Variants in DAPP1 observed in about 807,000 individuals in gnomAD.
DAPP1 encodes dual adaptor of phosphotyrosine and 3-phosphoinositides 1.
In DAPP1, 20 loss-of-function variants were observed where a neutral mutation model predicts 41.5. The observed-to-expected ratio is 0.48, with a 90% CI of 0.34 to 0.70. The LOEUF (loss-of-function observed/expected upper bound fraction) is 0.70. DAPP1 is among the 30% of genes least tolerant of loss of function. The pLI, the probability that DAPP1 is intolerant of heterozygous loss-of-function variation, is 0.01. For missense variants in DAPP1, 233 were observed against 333.4 expected (o/e 0.70, Z 2.35); for synonymous variants, 113 against 116.2 (o/e 0.97, Z 0.18).
intron 1 of DAPP1, among the ~76,000 whole-genome samples, chr4:99,818,564 C>T (rs1722667645): frequency 6.6e-6 from 1 of 152,134 alleles, no homozygotes; most frequent in South Asian, 2.1e-4. Flanking sequence ...TCTCTGTGCC[C>T]CACCATGATG....
chr4:99,839,348 G>GAT (rs34658186), intron 2 of DAPP1, among the ~76,000 whole-genome samples: 9 of 144,232 alleles, frequency 6.2e-5, no homozygotes, highest in South Asian at 4.3e-4. Flanking sequence ...TGGAGAGGCA[G>GAT]ATATATATAT....
chr4:99,832,145 C>A (rs1465519), intron 1 of DAPP1, among the ~76,000 whole-genome samples: 1 of 151,992 alleles, frequency 6.6e-6, no homozygotes. Flanking sequence ...TTATTTGTCA[C>A]CCAGTCTGAG....
chr4:99,835,715 A>G lies in DAPP1; in HGVS notation c.194A>G (p.Glu65Gly), dbSNP rs1723277137. Residue 65 changes from glutamate to glycine, a missense_variant, in exon 2 of 9, where the codon GAG (glutamate) becomes GGG (glycine). By Grantham distance (98) the Glu-to-Gly change is moderately conservative. Transcript: ENST00000512369. ...DGSYLLRDSNETTGLYSLSVR... is the reference protein window; with the variant it reads ...DGSYLLRDSNGTTGLYSLSVR... ...AGCTACCTTCTGAGGGACAGCAATG[A>G]GACCACCGGGCTGTACTCTCTCTCT... 6.2e-7 allele frequency: 1 copy of G among 1,613,770 alleles called. No homozygotes were observed. Among genetic ancestry groups the G allele is most frequent in the Non-Finnish European group, 8.5e-7 (1 of 1,179,786 alleles).
intron 1 of DAPP1, among the ~76,000 whole-genome samples, chr4:99,834,053 T>C (rs541465638): frequency 4.6e-5 from 7 of 152,292 alleles, no homozygotes; most frequent in African/African-American, 1.7e-4. Flanking sequence ...ACCACCTGGA[T>C]TGGGACCCAG....
intron 3 of DAPP1, among the ~76,000 whole-genome samples, chr4:99,852,859 C>A (rs1241140074): frequency 6.6e-6 from 1 of 152,092 alleles, no homozygotes; most frequent in Admixed American, 6.5e-5. Context: ...ATGTCACCTC[C>A]TTTATGAAAG....
intron 1 of DAPP1, among the ~76,000 whole-genome samples, chr4:99,832,350 G>T (rs1723154750): frequency 6.6e-6 from 1 of 152,204 alleles, no homozygotes; most frequent in African/African-American, 2.4e-5. Context: ...ATGTCATTAG[G>T]ATATACATTC....
At chr4:99,821,685 T>C (rs1722779369) in intron 1 of DAPP1, among the ~76,000 whole-genome samples, 2 of 152,244 alleles carry the variant, frequency 1.3e-5, no homozygotes, top group Non-Finnish European at 2.9e-5. Context: ...CATGCTTGAC[T>C]GCTGATGTAA....
intron 1 of DAPP1, among the ~76,000 whole-genome samples, chr4:99,826,207 A>G (rs1369863657): frequency 6.6e-6 from 1 of 152,216 alleles, no homozygotes; most frequent in Non-Finnish European, 1.5e-5. Flanking sequence ...TGTGCCATGT[A>G]TGAACTTAGA....
rs771826100 is a variant in DAPP1 at position 99,816,982 on chromosome 4, C to T, written c.69C>T (p.Ser23=). The T allele has an allele frequency of 1.9e-5, 31 of 1,605,960 alleles. No individual in the cohort carries two copies. The South Asian group carries it at 2.2e-4, about 12-fold the overall frequency. Residue 23 remains serine, a synonymous_variant, in exon 1 of 9, where the codon TCC becomes TCT. Coordinates refer to ENST00000512369, the MANE Select transcript of DAPP1 (RefSeq NM_014395.3). ...ATCCCTCAGATCTGTGGAGCAGATC[C>T]GATGGAGAGGCTGAGCTGCTCCAGG... ...TQDPSDLWSR[S]DGEAELLQDL... is the part of the protein sequence containing the mutation.
intron 3 of DAPP1, among the ~76,000 whole-genome samples, chr4:99,842,995 A>G (rs1460634367): frequency 6.6e-6 from 1 of 152,112 alleles, no homozygotes; most frequent in East Asian, 1.9e-4. Flanking sequence ...TTTGATTAAC[A>G]TCACCAGGAA....
chr4:99,818,049 T>C (rs1722649436), intron 1 of DAPP1, among the ~76,000 whole-genome samples: 1 of 152,236 alleles, frequency 6.6e-6, no homozygotes, highest in Non-Finnish European at 1.5e-5. Flanking sequence ...AATCTCTCTG[T>C]GTTAAGGCTG....
At chr4:99,834,634 C>T (rs997581422) in intron 1 of DAPP1, among the ~76,000 whole-genome samples, 3 of 151,746 alleles carry the variant, frequency 2.0e-5, no homozygotes, top group Non-Finnish European at 4.4e-5. Context: ...GTGTGAGAGA[C>T]CAAAAAAAGA....
chr4:99,828,165 C>T (rs1209919852), intron 1 of DAPP1, among the ~76,000 whole-genome samples: 2 of 152,218 alleles, frequency 1.3e-5, no homozygotes, highest in Non-Finnish European at 2.9e-5. Context: ...GCATTTCTGA[C>T]AAGATCCCAG....
downstream of DAPP1, among the ~76,000 whole-genome samples, chr4:99,870,528 A>G (rs1367770732): frequency 6.6e-6 from 1 of 152,156 alleles, no homozygotes; most frequent in Non-Finnish European, 1.5e-5. Flanking sequence ...GTACTAGACT[A>G]GGTGTTTTGC....
intron 3 of DAPP1, among the ~76,000 whole-genome samples, chr4:99,851,383 CG>C (rs1244068191): frequency 7.9e-5 from 12 of 152,034 alleles, no homozygotes; most frequent in Non-Finnish European, 1.5e-4. Flanking sequence ...TCTCTGAGGT[CG>C]AGATCAGACA....
At chr4:99,846,135 G>A (rs902136872) in intron 3 of DAPP1, among the ~76,000 whole-genome samples, 3 of 152,036 alleles carry the variant, frequency 2.0e-5, no homozygotes, top group African/African-American at 4.8e-5. Flanking sequence ...TTAGAAATGG[G>A]GAAGCAAAAA....
At chr4:99,827,481 C>A (rs190726407) in intron 1 of DAPP1, among the ~76,000 whole-genome samples, 3 of 150,570 alleles carry the variant, frequency 2.0e-5, no homozygotes, top group Non-Finnish European at 4.4e-5. Context: ...TGCAGTGAGC[C>A]GAGATCGAGC....
chr4:99,842,646 T>G (rs1723531968), intron 3 of DAPP1, among the ~76,000 whole-genome samples: 1 of 152,220 alleles, frequency 6.6e-6, no homozygotes, highest in Admixed American at 6.5e-5. Flanking sequence ...TGATGACTTG[T>G]AAGCCCAGAA....
chr4:99,842,692 T>C (rs918666320), intron 3 of DAPP1, among the ~76,000 whole-genome samples: 2 of 152,228 alleles, frequency 1.3e-5, no homozygotes, highest in African/African-American at 4.8e-5. Flanking sequence ...TTGCAGACTA[T>C]AAAGAATGGT....
Sources: gnomAD v4.1 joint callset for allele counts (sites outside exome capture counted in the v4.1 genomes callset) on GRCh38, gnomAD v4.1.1 for gene constraint, MANE v1.5 for transcripts, NCBI Gene and HGNC (gene_info 2026-07-23, HGNC 2026-07-21) for gene names.